PTPRH: variants seen among roughly 807,000 people sequenced by gnomAD.
PTPRH encodes protein tyrosine phosphatase receptor type H.
In PTPRH, 113 loss-of-function variants were observed where a neutral mutation model predicts 130.2. The ratio of observed to expected loss-of-function variants is 0.87; its 90% CI spans 0.75 to 1.01. The LOEUF (loss-of-function observed/expected upper bound fraction) is 1.01, where lower values mean the gene tolerates loss of function less well. Among genes scored for constraint, PTPRH ranks in the 50% least tolerant of loss-of-function variants. The pLI is 0.00. For missense variants in PTPRH, 1,430 were observed against 1,425.0 expected, an observed-to-expected ratio of 1.00 and a Z score of -0.06; for synonymous variants, 556 against 577.9, an observed-to-expected ratio of 0.96 and a Z score of 0.54.
chr19:55,206,377 G>A (rs1442355612), intron 3 of PTPRH, among the ~76,000 whole-genome samples: 1 of 148,976 alleles, frequency 6.7e-6, no homozygotes, highest in Non-Finnish European at 1.5e-5. Flanking sequence ...AGGCTGGAGT[G>A]CAGCGGTCCA....
chr19:55,195,001 A>G (rs188351578), intron 10 of PTPRH, among the ~76,000 whole-genome samples: 93 of 152,288 alleles, frequency 6.1e-4, no homozygotes, highest in African/African-American at 2.2e-3. Context: ...CAGTCTGTCC[A>G]ACATGGCAAA....
At position 55,209,398 on chromosome 19, in the gene PTPRH, C is replaced by T; in HGVS notation, c.36G>A (p.Gly12=). Reference sequence around the variant, plus strand: ...GAGCACTTACCAGCAGCACCAGGTTCCCCCAGACCCCGAGGCCCCCGCCAG... The same window carrying T: ...GAGCACTTACCAGCAGCACCAGGTTTCCCCAGACCCCGAGGCCCCCGCCAG... ...AGAGGGLGVW[G]NLVLLGLCSW... Residue 12 remains glycine (G), a synonymous_variant, in exon 1 of 20, where the codon GGG becomes GGA. Coordinates refer to ENST00000376350, the MANE Select transcript of PTPRH (RefSeq NM_002842.5). This position sits in a 1 kb window ranked among gnomAD's most constrained non-coding sequence, Gnocchi z 4.1. 1.9e-6 allele frequency: 3 copies of T among 1,561,572 alleles called. No individual in the cohort carries two copies. Among genetic ancestry groups the T allele is most frequent in the East Asian group, 2.4e-5 (1 of 42,168 alleles).
intron 10 of PTPRH, among the ~76,000 whole-genome samples, chr19:55,192,499 T>C (rs530577216): frequency 2.0e-5 from 3 of 151,878 alleles, no homozygotes; most frequent in Non-Finnish European, 4.4e-5. Context: ...CAATCAAGAG[T>C]AGGCTATTAG....
intron 10 of PTPRH, chr19:55,194,295 A>T (rs752611548): frequency 2.5e-5 from 32 of 1,288,794 alleles, no homozygotes; most frequent in African/African-American, 3.0e-5. Context: ...GCTTCTCAGC[A>T]ATCCTGGGAA....
chr19:55,186,528 C>T lies in PTPRH; in HGVS notation c.2579G>A (p.Arg860Gln), dbSNP rs367805725. Reference protein sequence around the residue: ...YRNVLPYDWSRVPLKPIHEEP... With the variant: ...YRNVLPYDWSQVPLKPIHEEP... ...CTCATGGATGGGCTTCAGGGGCACCCGGGACCAGTCATCTAGGAGAAGAGG... is the reference window on the plus strand; with the variant it reads ...CTCATGGATGGGCTTCAGGGGCACCTGGGACCAGTCATCTAGGAGAAGAGG... Residue 860 changes from arginine (R) to glutamine (Q), a missense_variant, in exon 15 of 20, where the codon CGG becomes CAG. Arg to Gln is a conservative substitution (Grantham distance 43). Transcript: ENST00000376350. The T allele has an allele frequency of 1.1e-5, 16 of 1,411,028 alleles. No homozygotes were observed. The highest frequency in any genetic ancestry group is 3.9e-4 in the Middle Eastern group (2 of 5,070). 87.4% of individuals were successfully genotyped at this position (1,411,028 alleles called of 1,614,324 possible).
Position 55,181,707 on chromosome 19 carries a change from T to C in PTPRH, c.*47A>G, listed in dbSNP as rs2147346704. ...CCAGGAATCTGGGCTCAAGTGGGTG[T>C]CCAGAGCTTGAGGATGCCTGGGCTG... On this transcript the variant is annotated 3_prime_UTR_variant, in exon 20 of 20. Transcript: ENST00000376350. The C allele has an allele frequency of 6.2e-7, 1 of 1,610,910 alleles. No homozygotes were observed. The highest frequency in any genetic ancestry group is 8.5e-7 in the Non-Finnish European group (1 of 1,178,094).
chr19:55,187,428 C>T, intron 14 of PTPRH, 85 bp downstream of exon 14: 1 of 966,648 alleles, frequency 1.0e-6, no homozygotes, highest in Non-Finnish European at 1.5e-6. Context: ...GGACTTGTTT[C>T]TCAAAGCGGG....
intron 7 of PTPRH, 76 bp from the exon 8 acceptor site, chr19:55,198,988 C>T: frequency 7.5e-7 from 1 of 1,328,066 alleles, no homozygotes; most frequent in Non-Finnish European, 9.8e-7. Flanking sequence ...TACGCCCTGT[C>T]CTTGTGCAGC....
intron 16 of PTPRH, 34 bp from the exon 17 acceptor site, chr19:55,186,018 C>G (rs2086312912): frequency 1.2e-6 from 2 of 1,613,634 alleles, no homozygotes; most frequent in Non-Finnish European, 1.7e-6. Context: ...GAACACAACT[C>G]CTCTTACCCA....
chr19:55,182,055 C>A lies in PTPRH; in HGVS notation c.3159G>T (p.Arg1053Ser), dbSNP rs2086191736. 2 of 1,614,014 alleles carry A rather than the reference C, an allele frequency of 1.2e-6. No individual in the cohort carries two copies. The highest frequency in any genetic ancestry group is 1.7e-6 in the Non-Finnish European group (2 of 1,180,026). ...EGLLGPFSFVRKMRESRPLMV... is the reference protein window; with the variant it reads ...EGLLGPFSFVSKMRESRPLMV... ...TCAACGGCCGACTCTCTCTCATCTT[C>A]CTTACAAAGCTGAAGGGCCCAAGGA... Residue 1053 changes from arginine (R) to serine (S), a missense_variant, in exon 19 of 20, where the codon AGG (arginine) becomes AGT (serine). Arg to Ser is a moderately radical substitution (Grantham distance 110, BLOSUM62 -1). Transcript: ENST00000376350.
rs1338243069 is a variant in PTPRH, at chr19:55,197,301, C to T, written c.1806G>A (p.Trp602Ter). The change falls in exon 9 of 20, where the codon TGG becomes TGA. Residue 602 changes from tryptophan to a stop codon, truncating the protein, a stop_gained. Coordinates refer to ENST00000376350, the MANE Select transcript of PTPRH (RefSeq NM_002842.5). LOFTEE classifies it high-confidence loss of function. ...HSQLYVYWVQWASKGHPRRGQ... is the reference protein window; with the variant it reads ...HSQLYVYWVQ Reference sequence around the variant, plus strand: ...CCCTCCGGGGATGTCCCTTGCTGGCCCACTGGACCCAGTATACGTACAACT... The same window carrying T: ...CCCTCCGGGGATGTCCCTTGCTGGCTCACTGGACCCAGTATACGTACAACT... 4 of 1,614,232 alleles carry T rather than the reference C, an allele frequency of 2.5e-6. No individual in the cohort carries two copies. In the South Asian group the frequency reaches 3.3e-5, roughly 13 times the overall value.
chr19:55,193,152 C>T (rs930810046), intron 10 of PTPRH, among the ~76,000 whole-genome samples: 5 of 151,016 alleles, frequency 3.3e-5, no homozygotes, highest in African/African-American at 4.9e-5. Flanking sequence ...CACTTGAACC[C>T]GGGAGGTGGA....
chr19:55,192,591 A>T (rs2086574827), intron 10 of PTPRH, among the ~76,000 whole-genome samples: 1 of 150,616 alleles, frequency 6.6e-6, no homozygotes, highest in Non-Finnish European at 1.5e-5. Flanking sequence ...TTGCTCTGTC[A>T]CCCAGGCTGC....
At chr19:55,185,149 G>C (rs138434082) in intron 18 of PTPRH, among the ~76,000 whole-genome samples, 2,603 of 151,678 alleles carry the variant, frequency 0.017, 81 homozygotes, top group African/African-American at 0.059. Flanking sequence ...TGCCCGCCAC[G>C]ACACCCGGCT....
At chr19:55,207,302 C>A in intron 1 of PTPRH, 103 bp from the exon 2 acceptor site, 1 of 1,283,732 alleles carries the variant, frequency 7.8e-7, no homozygotes, top group Non-Finnish European at 1.1e-6. Flanking sequence ...CCATGAGTCA[C>A]CCTTGCATGG....
At chr19:55,188,729 G>C (rs2086439995) in intron 12 of PTPRH, among the ~76,000 whole-genome samples, 1 of 152,032 alleles carries the variant, frequency 6.6e-6, no homozygotes, top group South Asian at 2.1e-4. Flanking sequence ...AGCCCCCACC[G>C]GCCTGACTGC....
intron 12 of PTPRH, 112 bp downstream of exon 12, chr19:55,191,389 A>C: frequency 1.5e-6 from 2 of 1,292,100 alleles, no homozygotes; most frequent in East Asian, 4.6e-5. Context: ...GCCCCTTCTG[A>C]GACCTTTGTG....
chr19:55,184,564 G>A (rs986122724), intron 18 of PTPRH, among the ~76,000 whole-genome samples: 3 of 151,946 alleles, frequency 2.0e-5, no homozygotes, highest in Non-Finnish European at 2.9e-5. Context: ...AGAGGCAGAC[G>A]GATCACGAGG....
At chr19:55,207,259 C>A in intron 1 of PTPRH, 60 bp from the exon 2 acceptor site, 1 of 1,577,812 alleles carries the variant, frequency 6.3e-7, no homozygotes, top group South Asian at 1.1e-5. Flanking sequence ...CCCAGTGAGG[C>A]CGAGGGGCTG....
Sources: allele counts gnomAD v4.1 joint callset (sites outside exome capture counted in the v4.1 genomes callset), GRCh38; gene constraint gnomAD v4.1.1; non-coding constraint Gnocchi (gnomAD v3.1); transcripts MANE v1.5; gene names NCBI Gene and HGNC (gene_info 2026-07-23, HGNC 2026-07-21).